DNAJC3: variants seen among roughly 807,000 people sequenced by gnomAD.
The protein encoded by DNAJC3 is DnaJ heat shock protein family (Hsp40) member C3, also known as dnaJ homolog subfamily C member 3.
In DNAJC3, 38 loss-of-function variants were observed where a neutral mutation model predicts 68.6. The ratio of observed to expected loss-of-function variants is 0.55; its 90% CI spans 0.43 to 0.73. DNAJC3 has a LOEUF of 0.73. Ranked by LOEUF, DNAJC3 falls within the 30% of genes least tolerant of loss-of-function variation. DNAJC3 has a pLI of 0.00. For missense variants in DNAJC3, 526 were observed against 591.9 expected, an observed-to-expected ratio of 0.89 and a Z score of 1.16; for synonymous variants, 203 against 204.0, an observed-to-expected ratio of 1.00 and a Z score of 0.04.
At chr13:95,769,582 C>T (rs561107380) in intron 9 of DNAJC3, among the ~76,000 whole-genome samples, 13 of 152,210 alleles carry the variant, frequency 8.5e-5, no homozygotes, top group Non-Finnish European at 1.3e-4. Context: ...TACCTTAGCT[C>T]AGCTAATTAG....
intron 1 of DNAJC3, among the ~76,000 whole-genome samples, chr13:95,702,697 C>A (rs1050832756): frequency 6.6e-6 from 1 of 152,182 alleles, no homozygotes; most frequent in African/African-American, 2.4e-5. Flanking sequence ...GACTTGCTAG[C>A]CTCTAGAACT....
intron 1 of DNAJC3, among the ~76,000 whole-genome samples, chr13:95,678,595 T>C (rs1245233783): frequency 2.0e-5 from 3 of 152,212 alleles, no homozygotes; most frequent in African/African-American, 7.2e-5. Context: ...CTAGTTCTTT[T>C]GCATTTTCAA....
chr13:95,677,472 T>G, intron 1 of DNAJC3, 135 bp downstream of exon 1: 1 of 898,666 alleles, frequency 1.1e-6, no homozygotes, highest in Non-Finnish European at 1.6e-6. Context: ...GCGGCCTGGC[T>G]TGGGCCTGAG....
At chr13:95,713,842 G>C (rs1254504810) in intron 2 of DNAJC3, among the ~76,000 whole-genome samples, 1 of 152,184 alleles carries the variant, frequency 6.6e-6, no homozygotes, top group African/African-American at 2.4e-5. Flanking sequence ...TTGCCATTTA[G>C]AGTTTTCAGG....
At chr13:95,723,804 G>T (rs1881421794) in intron 3 of DNAJC3, among the ~76,000 whole-genome samples, 1 of 152,108 alleles carries the variant, frequency 6.6e-6, no homozygotes, top group African/African-American at 2.4e-5. Flanking sequence ...TGCTAAATTA[G>T]CAGAGACATC....
intron 2 of DNAJC3, 143 bp downstream of exon 2, chr13:95,709,480 A>G: frequency 1.6e-6 from 1 of 606,190 alleles, no homozygotes; most frequent in Non-Finnish European, 2.7e-6. Context: ...TCTGAGCGAA[A>G]TAGATGGATA....
chr13:95,698,436 C>T (rs905758492), intron 1 of DNAJC3, among the ~76,000 whole-genome samples: 6 of 152,186 alleles, frequency 3.9e-5, no homozygotes, highest in Non-Finnish European at 5.9e-5. Flanking sequence ...AGCTTGCCCA[C>T]GAATACTCCA....
At chr13:95,698,373 C>G (rs1442226258) in intron 1 of DNAJC3, among the ~76,000 whole-genome samples, 1 of 152,154 alleles carries the variant, frequency 6.6e-6, no homozygotes, top group Non-Finnish European at 1.5e-5. Context: ...ATCCCCTGAG[C>G]TTCTGTTTAG....
chr13:95,786,130 A>G (rs1883595737), intron 10 of DNAJC3, 59 bp downstream of exon 10: 2 of 1,470,100 alleles, frequency 1.4e-6, no homozygotes, highest in Non-Finnish European at 1.8e-6. Context: ...TTCAAAGCTA[A>G]TCATTGCTCT....
At chr13:95,705,761 A>G (rs193056102) in intron 1 of DNAJC3, among the ~76,000 whole-genome samples, 1 of 151,096 alleles carries the variant, frequency 6.6e-6, no homozygotes, top group Admixed American at 6.6e-5. Flanking sequence ...CTGCTCTTGA[A>G]CTCCTGGCCT....
intron 4 of DNAJC3, among the ~76,000 whole-genome samples, chr13:95,742,350 T>C (rs1882172147): frequency 6.6e-6 from 1 of 152,146 alleles, no homozygotes; most frequent in Admixed American, 6.5e-5. Flanking sequence ...AGGGCTGTAT[T>C]CTTACAGAGG....
In DNAJC3 at chr13:95,763,703, A is replaced by G. The variant is rs540620422; in HGVS notation, c.909A>G (p.Glu303=). The stretch of plus-strand genomic sequence containing the variant: ...TGAAAACAGAGCCAAGCATTGCTGA[A>G]TATACAGTTCGTTCAAAGGAGAGGA... ...SVMKTEPSIA[E]YTVRSKERIC... is the part of the protein sequence containing the mutation. The change falls in exon 8 of 12, where the codon GAA becomes GAG. Residue 303 remains glutamate, a synonymous_variant. Coordinates refer to ENST00000602402, the MANE Select transcript of DNAJC3 (RefSeq NM_006260.5). The G allele has an allele frequency of 1.2e-6, 2 of 1,614,092 alleles. No individual in the cohort carries two copies. Among genetic ancestry groups the G allele is most frequent in the African/African-American group, 1.3e-5 (1 of 75,066 alleles).
intron 1 of DNAJC3, among the ~76,000 whole-genome samples, chr13:95,699,772 ATTG>A (rs1392739538): frequency 6.6e-6 from 1 of 152,168 alleles, no homozygotes; most frequent in Non-Finnish European, 1.5e-5. Flanking sequence ...CACATAGTAG[ATTG>A]TTAAGTCTGT....
intron 9 of DNAJC3, among the ~76,000 whole-genome samples, chr13:95,765,567 GTTTT>G (rs1024972959): frequency 8.9e-4 from 91 of 102,340 alleles, no homozygotes; most frequent in African/African-American, 3.2e-3. Context: ...TAATTGATCT[GTTTT>G]TTTTTTTTTT....
At chr13:95,734,865 T>A (rs1881845329) in intron 4 of DNAJC3, among the ~76,000 whole-genome samples, 1 of 150,836 alleles carries the variant, frequency 6.6e-6, no homozygotes, top group African/African-American at 2.4e-5. Flanking sequence ...CATGTGCACA[T>A]TGTGCAGGTT....
chr13:95,743,964 A>G (rs1414916419), intron 4 of DNAJC3, among the ~76,000 whole-genome samples: 1 of 152,198 alleles, frequency 6.6e-6, no homozygotes, highest in Non-Finnish European at 1.5e-5. Context: ...GTGTCTTTCC[A>G]TATACATTTT....
intron 2 of DNAJC3, among the ~76,000 whole-genome samples, chr13:95,715,118 G>A (rs936229079): frequency 4.6e-5 from 7 of 152,212 alleles, no homozygotes; most frequent in African/African-American, 1.7e-4. Context: ...GCAGTGTGGT[G>A]GCTTACAACT....
chr13:95,776,717 T>TAGTGTACTTCCTCCTCTTCCTC, intron 9 of DNAJC3, among the ~76,000 whole-genome samples: 1 of 152,224 alleles, frequency 6.6e-6, no homozygotes, highest in East Asian at 1.9e-4. Flanking sequence ...AGGGAAAATT[T>TAGTGTACTTCCTCCTCTTCCTC]AGTGTACTTC....
At chr13:95,790,430 G>A (rs1246999096) in intron 11 of DNAJC3, among the ~76,000 whole-genome samples, 3 of 152,334 alleles carry the variant, frequency 2.0e-5, no homozygotes, top group Admixed American at 6.5e-5. Context: ...TGTCTGAGGA[G>A]CCTTAGTGCT....
Sources: allele counts gnomAD v4.1 joint callset (sites outside exome capture counted in the v4.1 genomes callset), GRCh38; gene constraint gnomAD v4.1.1; transcripts MANE v1.5; gene names NCBI Gene and HGNC (gene_info 2026-07-23, HGNC 2026-07-21).